Variants in NKAIN2 observed in about 807,000 individuals in gnomAD.
NKAIN2 encodes sodium/potassium transporting ATPase interacting 2.
A neutral mutation model predicts 32.6 loss-of-function variants in NKAIN2; 14 were observed. That is an observed-to-expected ratio of 0.43 (90% CI 0.28 to 0.67). The LOEUF is 0.67. Ranked by LOEUF, NKAIN2 falls within the 30% of genes least tolerant of loss-of-function variation. NKAIN2 has a pLI of 0.17. For missense variants in NKAIN2, 198 were observed against 258.3 expected (o/e 0.77, Z 1.60); for synonymous variants, 80 against 87.2 (o/e 0.92, Z 0.46).
chr6:123,907,665 C>T (rs1366425994), intron 1 of NKAIN2, among the ~76,000 whole-genome samples: 2 of 152,144 alleles, frequency 1.3e-5, no homozygotes, highest in African/African-American at 4.8e-5. Context: ...ATGATAGTTT[C>T]ATTAATGATA....
intron 1 of NKAIN2, among the ~76,000 whole-genome samples, chr6:124,074,669 G>C (rs1245903867): frequency 6.6e-6 from 1 of 152,106 alleles, no homozygotes. Flanking sequence ...CTTTGCATGT[G>C]CTAGTCTTTT....
At chr6:124,490,440 T>A (rs1777820638) in intron 3 of NKAIN2, 1 of 398,074 alleles carries the variant, frequency 2.5e-6, no homozygotes, top group Non-Finnish European at 4.8e-6. Flanking sequence ...TAAGAATTCT[T>A]GTTCATGGTT....
chr6:123,812,927 C>T (rs368239032), intron 1 of NKAIN2, among the ~76,000 whole-genome samples: 1 of 152,226 alleles, frequency 6.6e-6, no homozygotes, highest in African/African-American at 2.4e-5. Flanking sequence ...CTGTATTATT[C>T]TAATTACACA....
chr6:124,191,351 C>T (rs762372373), intron 1 of NKAIN2, among the ~76,000 whole-genome samples: 1 of 151,578 alleles, frequency 6.6e-6, no homozygotes, highest in Non-Finnish European at 1.5e-5. Context: ...TGAATGTATT[C>T]ATAAGTATGG....
chr6:124,153,884 C>A (rs1273588618), intron 1 of NKAIN2, among the ~76,000 whole-genome samples: 1 of 149,122 alleles, frequency 6.7e-6, no homozygotes, highest in African/African-American at 2.4e-5. Context: ...AGAGTGGGTA[C>A]TTGTTTTCTT....
intron 1 of NKAIN2, among the ~76,000 whole-genome samples, chr6:124,026,727 G>A (rs1185231518): frequency 6.6e-6 from 1 of 152,136 alleles, no homozygotes; most frequent in Non-Finnish European, 1.5e-5. Context: ...AAACTTGCTG[G>A]ATATCATTTT....
chr6:124,257,401 G>C (rs1205441514), intron 1 of NKAIN2, among the ~76,000 whole-genome samples: 1 of 152,144 alleles, frequency 6.6e-6, no homozygotes, highest in Non-Finnish European at 1.5e-5. Context: ...CTCAGAGTAT[G>C]AAATTCATCT....
chr6:124,236,510 G>A (rs1332928936), intron 1 of NKAIN2, among the ~76,000 whole-genome samples: 1 of 152,136 alleles, frequency 6.6e-6, no homozygotes, highest in African/African-American at 2.4e-5. Flanking sequence ...TCAATGATCT[G>A]TAGGTCTAAA....
intron 4 of NKAIN2, among the ~76,000 whole-genome samples, chr6:124,783,433 C>T (rs1243771078): frequency 6.6e-6 from 1 of 152,156 alleles, no homozygotes. Flanking sequence ...CTTGATGATG[C>T]AGCAGAATAC....
chr6:124,081,027 T>G (rs1783946092), intron 1 of NKAIN2, among the ~76,000 whole-genome samples: 1 of 152,120 alleles, frequency 6.6e-6, no homozygotes, highest in Non-Finnish European at 1.5e-5. Context: ...CATTGGCATA[T>G]GAAGGTATAG....
intron 4 of NKAIN2, among the ~76,000 whole-genome samples, chr6:124,715,693 T>C (rs1477659440): frequency 6.6e-6 from 1 of 152,198 alleles, no homozygotes; most frequent in East Asian, 1.9e-4. Context: ...CATAAATTCC[T>C]GCCCCCTGTC....
chr6:124,456,923 G>A (rs1776344971), intron 3 of NKAIN2, among the ~76,000 whole-genome samples: 1 of 151,684 alleles, frequency 6.6e-6, no homozygotes, highest in Non-Finnish European at 1.5e-5. Context: ...GCCCTTAATT[G>A]TTCTCATTTA....
chr6:124,655,375 T>C (rs1784504402), intron 3 of NKAIN2, among the ~76,000 whole-genome samples: 1 of 152,164 alleles, frequency 6.6e-6, no homozygotes, highest in African/African-American at 2.4e-5. Context: ...CTTGTTTTAA[T>C]GGTATATGTT....
chr6:124,337,720 C>T (rs1797938302), intron 2 of NKAIN2, among the ~76,000 whole-genome samples: 1 of 152,182 alleles, frequency 6.6e-6, no homozygotes, highest in Non-Finnish European at 1.5e-5. Flanking sequence ...ACTCTAGTTA[C>T]CCTGTTGAGC....
chr6:124,622,413 G>A (rs912880430), intron 3 of NKAIN2, among the ~76,000 whole-genome samples: 5 of 152,160 alleles, frequency 3.3e-5, no homozygotes, highest in Non-Finnish European at 7.3e-5. Flanking sequence ...CAGGTCAAGT[G>A]CTTTGGTCTC....
intron 1 of NKAIN2, among the ~76,000 whole-genome samples, chr6:124,204,772 G>T (rs952457198): frequency 9.2e-5 from 14 of 151,670 alleles, no homozygotes; most frequent in African/African-American, 3.4e-4. Context: ...TGAAAATCAT[G>T]AAATTCAAAG....
At chr6:124,293,782 C>T (rs1282682110) in intron 2 of NKAIN2, among the ~76,000 whole-genome samples, 1 of 151,816 alleles carries the variant, frequency 6.6e-6, no homozygotes, top group Admixed American at 6.6e-5. Context: ...TTGCTCATTT[C>T]ATGTATTAAT....
intron 1 of NKAIN2, among the ~76,000 whole-genome samples, chr6:123,955,655 G>T (rs903675993): frequency 2.2e-5 from 3 of 135,030 alleles, no homozygotes; most frequent in African/African-American, 1.0e-4. Flanking sequence ...ACAGGGTCTT[G>T]CTCAGTCACC....
At chr6:124,206,525 T>C (rs991785455) in intron 1 of NKAIN2, among the ~76,000 whole-genome samples, 7 of 151,892 alleles carry the variant, frequency 4.6e-5, no homozygotes, top group African/African-American at 1.7e-4. Flanking sequence ...CCAATGAATT[T>C]GAAAATGCAT....
Sources: gnomAD v4.1 joint callset for allele counts (sites outside exome capture counted in the v4.1 genomes callset) on GRCh38, gnomAD v4.1.1 for gene constraint, MANE v1.5 for transcripts, NCBI Gene and HGNC (gene_info 2026-07-23, HGNC 2026-07-21) for gene names.